The following MINDY2 variants were observed in gnomAD, a reference collection of about 807,000 sequenced individuals.
MINDY2 encodes MINDY lysine 48 deubiquitinase 2.
MINDY2 carries 52 observed loss-of-function variants against 68.2 expected under a neutral mutation model. That is an observed-to-expected ratio of 0.76 (90% confidence interval 0.61 to 0.96). The LOEUF (loss-of-function observed/expected upper bound fraction) is 0.96. MINDY2 is among the 40% of genes least tolerant of loss of function. The probability of loss-of-function intolerance (pLI) is 0.00; values close to 1 mark genes in which losing one functional copy is unlikely to be tolerated. For synonymous variants in MINDY2, 372 were observed against 303.0 expected (o/e 1.23, Z -2.36); for missense variants, 881 against 773.4 (o/e 1.14, Z -1.65).
chr15:58,791,658 G>GTGTA (rs1434814225), intron 2 of MINDY2, among the ~76,000 whole-genome samples: 1 of 141,772 alleles, frequency 7.1e-6, no homozygotes, highest in Non-Finnish European at 1.5e-5. Context: ...GTGTGTGTGT[G>GTGTA]TGTATGTGTG....
intron 2 of MINDY2, among the ~76,000 whole-genome samples, chr15:58,798,179 C>T (rs1158233638): frequency 1.3e-5 from 2 of 152,064 alleles, no homozygotes; most frequent in Non-Finnish European, 2.9e-5. Flanking sequence ...TATAATGGTG[C>T]GATCTTGGCT....
At chr15:58,835,196 T>G (rs1445044568) in intron 6 of MINDY2, among the ~76,000 whole-genome samples, 1 of 151,616 alleles carries the variant, frequency 6.6e-6, no homozygotes, top group East Asian at 1.9e-4. Flanking sequence ...ATTAAATAAT[T>G]ACACAAATAA....
intron 2 of MINDY2, among the ~76,000 whole-genome samples, chr15:58,793,065 T>C (rs1029609832): frequency 1.1e-4 from 17 of 151,504 alleles, no homozygotes; most frequent in Non-Finnish European, 4.4e-5. Context: ...AGTAGATTAG[T>C]GGTTGCTTAG....
At chr15:58,805,353 A>T (rs958182651) in intron 3 of MINDY2, among the ~76,000 whole-genome samples, 1 of 152,202 alleles carries the variant, frequency 6.6e-6, no homozygotes, top group Non-Finnish European at 1.5e-5. Context: ...AATTTTAGAA[A>T]GACCAACACA....
intron 4 of MINDY2, among the ~76,000 whole-genome samples, chr15:58,819,013 G>A (rs2030886100): frequency 6.6e-6 from 1 of 152,068 alleles, no homozygotes; most frequent in Admixed American, 6.6e-5. Context: ...GTGTCTTGCT[G>A]CATTGCCCAG....
intron 5 of MINDY2, among the ~76,000 whole-genome samples, chr15:58,828,201 T>A (rs142945089): frequency 1.3e-4 from 20 of 152,108 alleles, no homozygotes; most frequent in African/African-American, 4.6e-4. Context: ...TCAAGTAAAA[T>A]CTGGGCATTT....
chr15:58,854,597 G>C lies in MINDY2; in HGVS notation c.1853G>C (p.Cys618Ser). ...GAAAAAGAAAAGGAAAAAAATAGCT[G>C]TGTTATTTTGTAACAAGTGTTGGCT... The part of the protein sequence containing the change: ...DKEKEKEKNS[C>S]VIL Residue 618 changes from cysteine to serine, a missense_variant, in exon 9 of 9, where the codon TGT becomes TCT. Physicochemically the swap from Cys to Ser is moderately radical, Grantham distance 112 (BLOSUM62 -1). Transcript: ENST00000559228. 4.4e-6 allele frequency: 7 copies of C among 1,608,476 alleles called. No individual in the cohort carries two copies. Among genetic ancestry groups the C allele is most frequent in the Non-Finnish European group, 5.9e-6 (7 of 1,179,548 alleles).
At chr15:58,792,994 C>T (rs1007861078) in intron 2 of MINDY2, among the ~76,000 whole-genome samples, 3 of 151,468 alleles carry the variant, frequency 2.0e-5, no homozygotes, top group African/African-American at 7.3e-5. Flanking sequence ...AGAGCAAGAA[C>T]CTTATCTCTA....
At chr15:58,776,847 C>A (rs1900802835) in intron 1 of MINDY2, among the ~76,000 whole-genome samples, 3 of 151,494 alleles carry the variant, frequency 2.0e-5, no homozygotes, top group African/African-American at 7.3e-5. Flanking sequence ...TATAGTGAGA[C>A]CCCCATCTCT....
intron 6 of MINDY2, among the ~76,000 whole-genome samples, chr15:58,837,596 C>T (rs1324903743): frequency 6.6e-6 from 1 of 151,064 alleles, no homozygotes; most frequent in East Asian, 1.9e-4. Context: ...TTTAAATCTA[C>T]ATTACATCTT....
intron 1 of MINDY2, among the ~76,000 whole-genome samples, chr15:58,780,963 G>C (rs1187375559): frequency 1.3e-5 from 2 of 152,122 alleles, no homozygotes; most frequent in Admixed American, 6.6e-5. Context: ...ATCAATTTTT[G>C]AGGGGGGAGA....
chr15:58,815,702 G>C (rs1389503657), intron 4 of MINDY2: 1 of 146,078 alleles, frequency 6.8e-6, no homozygotes, highest in Non-Finnish European at 1.5e-5. Flanking sequence ...CTTTTTTTTT[G>C]GACAGAGTCT....
In MINDY2 at chr15:58,840,428, G is replaced by A. The variant is rs566412803; in HGVS notation, c.1369-6869G>A. Among the ~76,000 whole-genome samples the A allele has an allele frequency of 1.8e-4, 28 of 151,998 alleles. 2 individuals are homozygous for A. The South Asian group carries it at 5.0e-3, about 27-fold the overall frequency. On this transcript the variant is annotated intron_variant, in intron 6 of 8. Transcript: ENST00000559228. ...AGCAAACTAAAATCCATCTCTGTTA[G>A]TTATTACTTGTAATAACATCCTCCA...
intron 2 of MINDY2, among the ~76,000 whole-genome samples, chr15:58,789,402 A>AT (rs1208126139): frequency 6.6e-6 from 1 of 152,106 alleles, no homozygotes; most frequent in Non-Finnish European, 1.5e-5. Flanking sequence ...TAGTTCACTC[A>AT]TTTTTTGTGA....
chr15:58,853,319 C>G (rs536233829), intron 8 of MINDY2, among the ~76,000 whole-genome samples: 74 of 151,874 alleles, frequency 4.9e-4, no homozygotes, highest in African/African-American at 1.7e-3. Flanking sequence ...AGCAAGATGC[C>G]CTTTTAAGTC....
chr15:58,821,836 A>G lies in MINDY2; in HGVS notation c.1225+17A>G, dbSNP rs1461167541. The G allele has an allele frequency of 2.0e-6, 3 of 1,515,024 alleles. No individual in the cohort carries two copies. Among genetic ancestry groups the G allele is most frequent in the Non-Finnish European group, 2.7e-6 (3 of 1,115,864 alleles). The allele number at this position is 1,515,024 out of a possible 1,614,324, so 93.8% of individuals were successfully genotyped here. On this transcript the variant is annotated intron_variant, in intron 5 of 8. Coordinates refer to ENST00000559228, the MANE Select transcript of MINDY2 (RefSeq NM_001040450.3). ...TTAGTGAAGGTGGGTGAGTGCTGCT[A>G]TTTCCTGACTTTTGAAATTCTTGGC...
At chr15:58,806,009 GGT>G (rs1249654327) in intron 3 of MINDY2, among the ~76,000 whole-genome samples, 32 of 152,236 alleles carry the variant, frequency 2.1e-4, no homozygotes, top group African/African-American at 7.5e-4. Context: ...AGGAGGTGGA[GGT>G]TGCAGTGAGC....
chr15:58,811,575 T>G (rs1050940226), intron 4 of MINDY2, among the ~76,000 whole-genome samples: 4 of 152,134 alleles, frequency 2.6e-5, no homozygotes, highest in Non-Finnish European at 5.9e-5. Context: ...GCAAGATTGA[T>G]TAGTAAAGCA....
chr15:58,773,142 AAAC>A (rs1900551855), intron 1 of MINDY2, among the ~76,000 whole-genome samples: 1 of 151,686 alleles, frequency 6.6e-6, no homozygotes, highest in African/African-American at 2.4e-5. Flanking sequence ...TAGGAAAAAA[AAAC>A]AAAACAAACT....
Sources: gnomAD v4.1 joint callset for allele counts (sites outside exome capture counted in the v4.1 genomes callset) on GRCh38, gnomAD v4.1.1 for gene constraint, MANE v1.5 for transcripts, NCBI Gene and HGNC (gene_info 2026-07-23, HGNC 2026-07-21) for gene names.